SCGB2B2: variants seen among roughly 807,000 people sequenced by gnomAD.
The protein encoded by SCGB2B2 is secretoglobin family 2B member 2.
Under a neutral mutation model 7.6 loss-of-function variants are expected in SCGB2B2, and 11 were observed. That is an observed-to-expected ratio of 1.45 (90% confidence interval 0.91 to 2.40). The LOEUF (loss-of-function observed/expected upper bound fraction) is 2.40. Ranked by LOEUF, SCGB2B2 falls within the 30% of genes most tolerant of loss-of-function variation. SCGB2B2 has a pLI of 0.00. For synonymous variants in SCGB2B2, 50 were observed against 48.6 expected, an observed-to-expected ratio of 1.03 and a Z score of -0.12; for missense variants, 104 against 115.4, an observed-to-expected ratio of 0.90 and a Z score of 0.45.
chr19:34,606,453 G>C (rs151032078), intron 1 of SCGB2B2, among the ~76,000 whole-genome samples: 105 of 151,722 alleles, frequency 6.9e-4, no homozygotes, highest in African/African-American at 2.5e-3. Flanking sequence ...GAGATTATTT[G>C]AGTAAAAAGG....
chr19:34,588,440 C>G (rs1338557324), downstream of SCGB2B2, among the ~76,000 whole-genome samples: 3 of 152,216 alleles, frequency 2.0e-5, no homozygotes, highest in East Asian at 5.8e-4. Context: ...CAGTGTGAGT[C>G]AGGCCGGGCC....
intron 1 of SCGB2B2, chr19:34,608,670 T>TATATATATATATATATATATATAC (rs1432538834): frequency 1.8e-5 from 1 of 55,618 alleles, no homozygotes; most frequent in Non-Finnish European, 4.7e-5. Flanking sequence ...CATATATATA[T>TATATATATATATATATATATATAC]ATATATATAT....
rs1250802700 is a variant in SCGB2B2, at chr19:34,675,668, T to G, written c.-2070A>C. The G allele has an allele frequency of 6.6e-6, 1 of 152,524 alleles. No homozygotes were observed. The highest frequency in any genetic ancestry group is 1.5e-5 in the Non-Finnish European group (1 of 68,300). 9.4% of individuals were successfully genotyped at this position (152,524 alleles called of 1,614,324 possible). A position where few individuals can be genotyped will look rare whatever the true frequency, so the allele number is the denominator to read the frequency against. On this transcript the variant is annotated 5_prime_UTR_variant, in exon 1 of 4. Transcript: ENST00000601241. ...ACTGCTGCTTGTTATGTGTCCGGAATTGGTTCCTTCTGGTGGGTTCCTGGT... is the reference window on the plus strand; with the variant it reads ...ACTGCTGCTTGTTATGTGTCCGGAAGTGGTTCCTTCTGGTGGGTTCCTGGT...
chr19:34,626,759 A>C (rs1282042045), intron 1 of SCGB2B2, among the ~76,000 whole-genome samples: 1 of 152,192 alleles, frequency 6.6e-6, no homozygotes, highest in Non-Finnish European at 1.5e-5. Flanking sequence ...CACAGAGAAT[A>C]CCACAAAGAT....
rs2066643290 is a variant in SCGB2B2, at chr19:34,635,257, C to T, written c.-2031-38663G>A. On this transcript the variant is annotated intron_variant, in intron 1 of 3. Transcript: ENST00000601241. ...GCTAAATAATTTCGCACATTTGCTG[C>T]ACTCCAGTGTGGACTTTCTCCAGTG... 1.1e-5 allele frequency: 3 copies of T among 280,026 alleles called. No homozygotes were observed. The South Asian group carries it at 1.4e-4, about 13-fold the overall frequency. 17.3% of individuals were successfully genotyped at this position (280,026 alleles called of 1,614,324 possible). A position where few individuals can be genotyped will look rare whatever the true frequency, so the allele number is the denominator to read the frequency against.
intron 1 of SCGB2B2, among the ~76,000 whole-genome samples, chr19:34,643,080 G>T (rs538827616): frequency 5.9e-5 from 9 of 152,290 alleles, no homozygotes; most frequent in African/African-American, 1.7e-4. Flanking sequence ...AAAGGAGGAA[G>T]TCAGTCTATC....
At chr19:34,660,432 T>G (rs943438304) in intron 1 of SCGB2B2, among the ~76,000 whole-genome samples, 2 of 152,032 alleles carry the variant, frequency 1.3e-5, no homozygotes, top group African/African-American at 4.8e-5. Context: ...TTAAACAAAT[T>G]TACAAGAAAA....
At chr19:34,603,933 G>A (rs918438857) in intron 1 of SCGB2B2, among the ~76,000 whole-genome samples, 4 of 150,856 alleles carry the variant, frequency 2.7e-5, no homozygotes, top group African/African-American at 9.7e-5. Flanking sequence ...TCAATCTACT[G>A]AATATACTCT....
At chr19:34,588,877 G>A (rs1177586630), downstream of SCGB2B2, among the ~76,000 whole-genome samples, 1 of 78,504 alleles carries the variant, frequency 1.3e-5, no homozygotes, top group Non-Finnish European at 2.7e-5. Context: ...AGAAGGTCAA[G>A]TGTTGGAACC....
Position 34,676,003 on chromosome 19 carries a change from T to C in SCGB2B2, c.-2405A>G, listed in dbSNP as rs117941525. On this transcript the variant is annotated 5_prime_UTR_variant, in exon 1 of 4. An upstream start codon of the reference 5' UTR is lost. Transcript: ENST00000601241. ...GACCCAAAGAGCAAAAGAACAAACATCCCACACCTGGGAAGTAGACCCCAG... is the reference window on the plus strand; with the variant it reads ...GACCCAAAGAGCAAAAGAACAAACACCCCACACCTGGGAAGTAGACCCCAG... 0.021 allele frequency: 3,124 copies of C among 152,314 alleles called. 54 individuals carry two copies. Among genetic ancestry groups the C allele is most frequent in the Admixed American group, 0.029 (448 of 15,298 alleles). The allele number at this position is 152,314 out of a possible 1,614,324, so 9.4% of individuals were successfully genotyped here. A position where few individuals can be genotyped will look rare whatever the true frequency, so the allele number is the denominator to read the frequency against.
chr19:34,632,529 A>C (rs1217664219), intron 1 of SCGB2B2, among the ~76,000 whole-genome samples: 1 of 152,242 alleles, frequency 6.6e-6, no homozygotes, highest in Non-Finnish European at 1.5e-5. Context: ...AGGGGGATAC[A>C]AAGTAAAATC....
intron 1 of SCGB2B2, among the ~76,000 whole-genome samples, chr19:34,640,010 G>A (rs1174195669): frequency 6.6e-6 from 1 of 152,048 alleles, no homozygotes; most frequent in Non-Finnish European, 1.5e-5. Context: ...GGAAAATCTT[G>A]GACTTTATGG....
At chr19:34,669,267 T>C (rs1412867684) in intron 1 of SCGB2B2, among the ~76,000 whole-genome samples, 1 of 152,236 alleles carries the variant, frequency 6.6e-6, no homozygotes, top group Non-Finnish European at 1.5e-5. Flanking sequence ...GTGTTCCTAA[T>C]GCACTTTCTA....
intron 1 of SCGB2B2, among the ~76,000 whole-genome samples, chr19:34,649,916 T>C (rs2067119927): frequency 6.6e-6 from 1 of 151,226 alleles, no homozygotes; most frequent in Non-Finnish European, 1.5e-5. Flanking sequence ...GCTAGGGTGA[T>C]TCCAATGCCT....
At chr19:34,618,871 C>G (rs2066163903) in intron 1 of SCGB2B2, among the ~76,000 whole-genome samples, 1 of 152,234 alleles carries the variant, frequency 6.6e-6, no homozygotes, top group South Asian at 2.1e-4. Context: ...CTCTCCCAAA[C>G]TTAGCCAGGG....
chr19:34,615,735 A>G (rs2066056341), intron 1 of SCGB2B2, among the ~76,000 whole-genome samples: 1 of 152,044 alleles, frequency 6.6e-6, no homozygotes, highest in Non-Finnish European at 1.5e-5. Context: ...TATTTTTGGA[A>G]GAGTTTAAAA....
intron 1 of SCGB2B2, among the ~76,000 whole-genome samples, chr19:34,655,427 A>G (rs1201043190): frequency 6.6e-6 from 1 of 151,240 alleles, no homozygotes; most frequent in East Asian, 1.9e-4. Flanking sequence ...AACTCTTTGA[A>G]CCAATTGCCA....
chr19:34,608,728 T>C (rs2065851762), intron 1 of SCGB2B2: 1 of 146,106 alleles, frequency 6.8e-6, no homozygotes, highest in Non-Finnish European at 1.5e-5. Flanking sequence ...GACACTGAGG[T>C]TGAGTCAAAT....
At chr19:34,663,931 C>T (rs1262721748) in intron 1 of SCGB2B2, among the ~76,000 whole-genome samples, 9 of 152,188 alleles carry the variant, frequency 5.9e-5, no homozygotes, top group Admixed American at 3.9e-4. Context: ...CCCGTGTAAC[C>T]TGCCTGCCCC....
Sources: allele counts gnomAD v4.1 joint callset (sites outside exome capture counted in the v4.1 genomes callset), GRCh38; gene constraint gnomAD v4.1.1; transcripts MANE v1.5; gene names NCBI Gene and HGNC (gene_info 2026-07-23, HGNC 2026-07-21).